IFT74: variants seen among roughly 807,000 people sequenced by gnomAD.
IFT74 encodes intraflagellar transport 74.
IFT74 carries 92 observed loss-of-function variants against 96.7 expected under a neutral mutation model. That is an observed-to-expected ratio of 0.95 (90% CI 0.80 to 1.13). IFT74 has a LOEUF of 1.13. Ranked by LOEUF, IFT74 falls within the 50% of genes most tolerant of loss-of-function variation. IFT74 has a pLI of 0.00. For synonymous variants in IFT74, 223 were observed against 213.2 expected, an observed-to-expected ratio of 1.05 and a Z score of -0.40; for missense variants, 811 against 698.2, an observed-to-expected ratio of 1.16 and a Z score of -1.82.
intron 4 of IFT74, 99 bp from the exon 5 acceptor site, chr9:26,984,154 CTATT>C (rs1827524441): frequency 1.1e-6 from 1 of 881,214 alleles, no homozygotes; most frequent in Non-Finnish European, 1.7e-6. Context: ...TTTCACAAAA[CTATT>C]TATATTATTA....
intron 8 of IFT74, among the ~76,000 whole-genome samples, chr9:26,992,787 C>A (rs145305960): frequency 3.3e-5 from 5 of 152,124 alleles, no homozygotes; most frequent in African/African-American, 1.2e-4. Context: ...AGATGGCCAA[C>A]GTCTCAATAA....
chr9:27,006,537 C>T (rs1828785561), intron 8 of IFT74, among the ~76,000 whole-genome samples: 1 of 151,336 alleles, frequency 6.6e-6, no homozygotes, highest in Non-Finnish European at 1.5e-5. Flanking sequence ...TTTGAGCATG[C>T]AGTGAGCCAT....
intron 1 of IFT74, among the ~76,000 whole-genome samples, chr9:26,949,418 ACAAACCT>A (rs1182900620): frequency 1.3e-5 from 2 of 152,238 alleles, no homozygotes; most frequent in Non-Finnish European, 2.9e-5. Flanking sequence ...ACAGAAACAG[ACAAACCT>A]CTAACTAAGG....
At chr9:27,030,265 A>G (rs1381622602) in intron 13 of IFT74, among the ~76,000 whole-genome samples, 1 of 152,122 alleles carries the variant, frequency 6.6e-6, no homozygotes, top group Admixed American at 6.6e-5. Context: ...TGGCTAAGGA[A>G]ACATTCATAG....
intron 13 of IFT74, among the ~76,000 whole-genome samples, chr9:27,031,671 C>T (rs1369108339): frequency 6.9e-6 from 1 of 144,340 alleles, no homozygotes; most frequent in East Asian, 2.0e-4. Flanking sequence ...GACAACATAG[C>T]TCACTGCAGC....
chr9:26,958,175 G>A (rs975861419), intron 1 of IFT74, among the ~76,000 whole-genome samples: 2 of 152,218 alleles, frequency 1.3e-5, no homozygotes, highest in Admixed American at 6.5e-5. Flanking sequence ...AGATTTTGGG[G>A]ATATAAAGAT....
intron 16 of IFT74, among the ~76,000 whole-genome samples, chr9:27,054,770 G>C (rs1820086461): frequency 6.6e-6 from 1 of 152,172 alleles, no homozygotes; most frequent in South Asian, 2.1e-4. Context: ...TCTTATGTCA[G>C]TTCTCATACT....
intron 18 of IFT74, among the ~76,000 whole-genome samples, chr9:27,057,491 T>C (rs1820218341): frequency 6.6e-6 from 1 of 152,186 alleles, no homozygotes; most frequent in Middle Eastern, 3.2e-3. Context: ...TGAAAAAAAT[T>C]GATCATTCTT....
chr9:27,025,774 G>T (rs563334778), intron 12 of IFT74, among the ~76,000 whole-genome samples: 1 of 152,258 alleles, frequency 6.6e-6, no homozygotes, highest in Non-Finnish European at 1.5e-5. Context: ...GTCATTTTCA[G>T]AGAAATGCTG....
intron 8 of IFT74, chr9:26,995,815 A>G: frequency 1.2e-6 from 2 of 1,606,826 alleles, no homozygotes; most frequent in Admixed American, 1.7e-5. Flanking sequence ...CAACACCAAC[A>G]AGAAAAGCCC....
Position 26,961,435 on chromosome 9 carries a change from C to A in IFT74, c.-19-514C>A, listed in dbSNP as rs80147910. Among the ~76,000 whole-genome samples, 861 of 152,054 alleles carry A rather than the reference C, an allele frequency of 5.7e-3. 21 individuals are homozygous for A. In the East Asian group the frequency reaches 0.062, roughly 11 times the overall value. On this transcript the variant is annotated intron_variant, in intron 1 of 19. Coordinates refer to ENST00000380062, the MANE Select transcript of IFT74 (RefSeq NM_025103.4). ...GTGTGGAAGAATGTTTTGAAAGTGACCCTGAGGAGCAAGAAAAGTGCCACC... is the reference window on the plus strand; with the variant it reads ...GTGTGGAAGAATGTTTTGAAAGTGAACCTGAGGAGCAAGAAAAGTGCCACC...
In IFT74 at chr9:27,028,992, C is replaced by T. The variant is rs189713026; in HGVS notation, c.975-33C>T. 3.3e-4 allele frequency: 502 copies of T among 1,531,060 alleles called. No individual in the cohort carries two copies. In the African/African-American group the frequency reaches 5.9e-3, roughly 18 times the overall value. 94.8% of individuals were successfully genotyped at this position (1,531,060 alleles called of 1,614,324 possible). A position where few individuals can be genotyped will look rare whatever the true frequency, so the allele number is the denominator to read the frequency against. On this transcript the variant is annotated intron_variant, in intron 12 of 19. Transcript: ENST00000380062. The stretch of plus-strand genomic sequence containing the variant: ...TTGTTTTTATTGAATGTCTATATTT[C>T]CTTCATAAATTCATTAAAAATATTT...
Position 27,062,650 on chromosome 9 carries a change from C to A in IFT74, c.1717C>A (p.Gln573Lys). 1 of 1,607,926 alleles carries A rather than the reference C, an allele frequency of 6.2e-7. No homozygotes were observed. The change falls in exon 20 of 20, where the codon CAG (glutamine) becomes AAG (lysine). Residue 573 changes from glutamine to lysine, a missense_variant. By Grantham distance (53) the Gln-to-Lys change is moderately conservative (BLOSUM62 1). Coordinates refer to ENST00000380062, the MANE Select transcript of IFT74 (RefSeq NM_025103.4). ...IATKSQESDY[Q>K]PIKKNVTKQI... ...AACCAAGAGTCAAGAGAGTGATTACCAGCCAATTAAGAAAAATGTGACCAA... is the reference window on the plus strand; with the variant it reads ...AACCAAGAGTCAAGAGAGTGATTACAAGCCAATTAAGAAAAATGTGACCAA...
intron 16 of IFT74, 113 bp downstream of exon 16, chr9:27,048,387 C>T: frequency 1.5e-6 from 1 of 678,196 alleles, no homozygotes; most frequent in Non-Finnish European, 2.3e-6. Flanking sequence ...TTGCCTATTG[C>T]CCCAGAATTA....
Position 27,062,724 on chromosome 9 carries a change from C to T in IFT74, c.1791C>T (p.Thr597=), listed in dbSNP as rs191236750. 803 of 1,569,576 alleles carry T rather than the reference C, an allele frequency of 5.1e-4. 12 individuals are homozygous for T. Among genetic ancestry groups the T allele is most frequent in the South Asian group, 4.1e-3 (355 of 87,512 alleles). The change falls in exon 20 of 20, where the codon ACC becomes ACT. Residue 597 remains threonine, a synonymous_variant. Coordinates refer to ENST00000380062, the MANE Select transcript of IFT74 (RefSeq NM_025103.4). ...NKTIVDALHS[T]SGN Reference sequence around the variant, plus strand: ...CCATCGTGGATGCTTTACATAGCACCAGCGGAAACTGAGTTTAAGTCCACT... The same window carrying T: ...CCATCGTGGATGCTTTACATAGCACTAGCGGAAACTGAGTTTAAGTCCACT...
intron 8 of IFT74, among the ~76,000 whole-genome samples, chr9:26,992,066 A>G (rs1278973221): frequency 6.6e-6 from 1 of 152,090 alleles, no homozygotes; most frequent in African/African-American, 2.4e-5. Flanking sequence ...TATATAAGCT[A>G]TAATCCCCTG....
At chr9:27,056,042 T>G (rs1476542151) in intron 17 of IFT74, among the ~76,000 whole-genome samples, 1 of 152,128 alleles carries the variant, frequency 6.6e-6, no homozygotes, top group Non-Finnish European at 1.5e-5. Context: ...CAGTTTAGAT[T>G]ATGACTCTAT....
chr9:27,062,556 C>A, intron 19 of IFT74, 62 bp from the exon 20 acceptor site: 1 of 874,300 alleles, frequency 1.1e-6, no homozygotes, highest in Non-Finnish European at 1.8e-6. Context: ...GTATTTAGTT[C>A]CTTTCTCAGG....
chr9:27,008,613 G>C (rs1828899777), intron 8 of IFT74, among the ~76,000 whole-genome samples: 1 of 152,106 alleles, frequency 6.6e-6, no homozygotes, highest in Admixed American at 6.6e-5. Context: ...ACCTGCCTCA[G>C]CCTTCCAAAG....
Sources: allele counts gnomAD v4.1 joint callset (sites outside exome capture counted in the v4.1 genomes callset), GRCh38; gene constraint gnomAD v4.1.1; transcripts MANE v1.5; gene names NCBI Gene and HGNC (gene_info 2026-07-23, HGNC 2026-07-21).